Variants in COG7 observed in about 807,000 individuals in gnomAD.
The protein encoded by COG7 is component of oligomeric golgi complex 7.
A neutral mutation model predicts 91.5 loss-of-function variants in COG7; 49 were observed. The ratio of observed to expected loss-of-function variants is 0.54; its 90% CI spans 0.43 to 0.68. The LOEUF is 0.68. Among genes scored for constraint, COG7 ranks in the 30% least tolerant of loss-of-function variants. The pLI is 0.00. For synonymous variants in COG7, 365 were observed against 388.7 expected (o/e 0.94, Z 0.72); for missense variants, 895 against 961.3 (o/e 0.93, Z 0.91).
chr16:23,392,126 C>T, intron 16 of COG7: 1 of 1,376,638 alleles, frequency 7.3e-7, no homozygotes, highest in South Asian at 1.5e-5. Flanking sequence ...TGAATCTTAT[C>T]TCACTGAAGC....
intron 4 of COG7, among the ~76,000 whole-genome samples, chr16:23,439,003 C>A (rs565470518): frequency 6.6e-6 from 1 of 151,564 alleles, no homozygotes; most frequent in East Asian, 1.9e-4. Context: ...ACTAAACATA[C>A]AAAAATTAGC....
chr16:23,393,804 G>C (rs1963239449), intron 14 of COG7, among the ~76,000 whole-genome samples: 1 of 152,076 alleles, frequency 6.6e-6, no homozygotes, highest in Non-Finnish European at 1.5e-5. Flanking sequence ...CACTTTGGGA[G>C]GCCGAGGCGG....
intron 2 of COG7, 133 bp from the exon 3 acceptor site, chr16:23,445,297 T>C (rs1357264480): frequency 1.3e-6 from 1 of 769,904 alleles, no homozygotes; most frequent in African/African-American, 1.7e-5. Context: ...ACACCAATCA[T>C]CTGGCTAAAT....
intron 6 of COG7, 120 bp downstream of exon 6, chr16:23,433,424 CA>C: frequency 7.6e-7 from 1 of 1,316,148 alleles, no homozygotes; most frequent in Non-Finnish European, 1.1e-6. Context: ...TGAATGACAG[CA>C]ACAAACGGGG....
intron 9 of COG7, 178 bp downstream of exon 9, chr16:23,416,789 T>C: frequency 1.4e-6 from 1 of 716,538 alleles, no homozygotes; most frequent in East Asian, 2.7e-5. Context: ...ATTTACGTTG[T>C]TTCAAATGTT....
chr16:23,424,936 C>T lies in COG7; in HGVS notation c.822G>A (p.Lys274=). The change falls in exon 7 of 17, where the codon AAG becomes AAA. Residue 274 remains lysine (K), a synonymous_variant. Coordinates refer to ENST00000307149, the MANE Select transcript of COG7 (RefSeq NM_153603.4). ...QIQWATQVFQ[K]PHEVVMVLLI... ...GCAGCACCATTACCACCTCGTGGGG[C>T]TTCTGGAAAACCTGCAGTGAGAGAG... The T allele has an allele frequency of 1.9e-6, 3 of 1,606,582 alleles. No homozygotes were observed. The highest frequency in any genetic ancestry group is 1.7e-5 in the Admixed American group (1 of 58,774).
At chr16:23,399,549 C>T (rs1320714877) in intron 13 of COG7, among the ~76,000 whole-genome samples, 2 of 152,026 alleles carry the variant, frequency 1.3e-5, no homozygotes, top group East Asian at 3.9e-4. Flanking sequence ...CCTGTACACC[C>T]CCACACCTCC....
intron 6 of COG7, among the ~76,000 whole-genome samples, chr16:23,433,202 G>A (rs892677378): frequency 3.9e-5 from 6 of 152,080 alleles, no homozygotes; most frequent in East Asian, 3.9e-4. Context: ...CCTCCTGGAC[G>A]TAAGCAATCT....
chr16:23,436,590 C>T (rs762015525), intron 4 of COG7, among the ~76,000 whole-genome samples: 8 of 152,032 alleles, frequency 5.3e-5, no homozygotes, highest in Non-Finnish European at 1.0e-4. Context: ...AAAAAATTAA[C>T]CAGGCGTGGT....
intron 11 of COG7, 55 bp downstream of exon 11, chr16:23,410,240 G>T: frequency 6.8e-7 from 1 of 1,461,994 alleles, no homozygotes; most frequent in Non-Finnish European, 9.6e-7. Context: ...ACTAGACCAA[G>T]CTCGTGCTGA....
intron 7 of COG7, among the ~76,000 whole-genome samples, chr16:23,421,010 A>G (rs1308754710): frequency 6.8e-6 from 1 of 147,620 alleles, no homozygotes; most frequent in East Asian, 2.0e-4. Context: ...TTGGCCTCCC[A>G]AAGTGCTGAG....
rs2142094109 is a variant in COG7, at chr16:23,442,566, T to C, written c.515A>G (p.Glu172Gly). 2 of 1,614,148 alleles carry C rather than the reference T, an allele frequency of 1.2e-6. No individual in the cohort carries two copies. Among genetic ancestry groups the C allele is most frequent in the South Asian group, 2.2e-5 (2 of 91,086 alleles). ...MMLVDTPDYSEKCVHLEALKN... is the reference protein window; with the variant it reads ...MMLVDTPDYSGKCVHLEALKN... ...CAGTGCCTCCAAGTGCACACACTTT[T>C]CTGAGTAGTCTGGTGTATCAACAAG... The change falls in exon 4 of 17, where the codon GAA becomes GGA. Residue 172 changes from glutamate to glycine, a missense_variant. Glu to Gly is a moderately conservative substitution (Grantham distance 98, BLOSUM62 -2). Transcript: ENST00000307149.
chr16:23,416,743 T>C (rs1963661352), intron 9 of COG7: 2 of 591,148 alleles, frequency 3.4e-6, no homozygotes, highest in African/African-American at 3.7e-5. Flanking sequence ...CATATGAATA[T>C]GTCACATCTT....
At chr16:23,412,299 C>T (rs1963576634) in intron 10 of COG7, 1 of 152,228 alleles carries the variant, frequency 6.6e-6, no homozygotes, top group Non-Finnish European at 1.5e-5. Flanking sequence ...GAACCCGTGC[C>T]CAGTTTCTCA....
chr16:23,389,622 T>A (rs1344222764), intron 16 of COG7, among the ~76,000 whole-genome samples: 2 of 152,128 alleles, frequency 1.3e-5, no homozygotes, highest in Non-Finnish European at 2.9e-5. Context: ...ACACACAAGC[T>A]TGTCTGAGCA....
chr16:23,407,447 A>G (rs901442919), intron 11 of COG7, among the ~76,000 whole-genome samples: 1 of 152,252 alleles, frequency 6.6e-6, no homozygotes, highest in Non-Finnish European at 1.5e-5. Flanking sequence ...AAGGGTTAGC[A>G]GAATGATCTT....
chr16:23,406,173 T>C lies in COG7; in HGVS notation c.1565A>G (p.Lys522Arg). 1 of 1,614,064 alleles carries C rather than the reference T, an allele frequency of 6.2e-7. No individual in the cohort carries two copies. Among genetic ancestry groups the C allele is most frequent in the Non-Finnish European group, 8.5e-7 (1 of 1,179,908 alleles). The change falls in exon 12 of 17, where the codon AAG (lysine) becomes AGG (arginine). Residue 522 changes from lysine (K) to arginine (R), a missense_variant. Coordinates refer to ENST00000307149, the MANE Select transcript of COG7 (RefSeq NM_153603.4). ...TTGCCATGGGTTCTTGGCAGAGTTC[T>C]TCTTGTCTGTCAAGATGCTCTCCTG... ...GFQESILTDKKNSAKNPWQEY... is the reference protein window; with the variant it reads ...GFQESILTDKRNSAKNPWQEY...
At chr16:23,419,903 G>A (rs1211513496) in intron 7 of COG7, among the ~76,000 whole-genome samples, 1 of 151,994 alleles carries the variant, frequency 6.6e-6, no homozygotes, top group Admixed American at 6.6e-5. Flanking sequence ...TTGGGAGGCC[G>A]AGGTGAGCGG....
intron 1 of COG7, chr16:23,446,445 C>CTTTTTT (rs34254755): frequency 1.9e-4 from 21 of 112,534 alleles, no homozygotes; most frequent in Non-Finnish European, 2.6e-4. Flanking sequence ...TTTCCATGGT[C>CTTTTTT]TTTTTTTTTT....
Sources: allele counts gnomAD v4.1 joint callset (sites outside exome capture counted in the v4.1 genomes callset), GRCh38; gene constraint gnomAD v4.1.1; transcripts MANE v1.5; gene names NCBI Gene and HGNC (gene_info 2026-07-23, HGNC 2026-07-21).